The following CSMD1 variants were observed in gnomAD, a reference collection of about 807,000 sequenced individuals.
The protein encoded by CSMD1 is CUB and Sushi multiple domains 1.
In CSMD1, 213 loss-of-function variants were observed where a neutral mutation model predicts 417.5. The observed-to-expected ratio is 0.51, with a 90% confidence interval of 0.46 to 0.57. The LOEUF is 0.57. Ranked by LOEUF, CSMD1 falls within the 20% of genes least tolerant of loss-of-function variation. The pLI is 0.00. For synonymous variants in CSMD1, 2,862 were observed against 1,736.8 expected (o/e 1.65, Z -16.11); for missense variants, 6,923 against 4,529.7 (o/e 1.53, Z -15.17).
intron 2 of CSMD1, among the ~76,000 whole-genome samples, chr8:4,583,326 G>A (rs1447200502): frequency 4.0e-5 from 6 of 151,666 alleles, no homozygotes; most frequent in Admixed American, 2.0e-4. Context: ...ACCTTTATGT[G>A]TCTTCCTCAG....
At chr8:3,467,070 G>A (rs1816828594) in intron 12 of CSMD1, among the ~76,000 whole-genome samples, 1 of 152,130 alleles carries the variant, frequency 6.6e-6, no homozygotes, top group South Asian at 2.1e-4. Context: ...CCATCTCAGG[G>A]TGGCTACTGA....
chr8:4,475,934 G>A (rs955591031), intron 2 of CSMD1, among the ~76,000 whole-genome samples: 4 of 152,030 alleles, frequency 2.6e-5, no homozygotes, highest in Non-Finnish European at 5.9e-5. Context: ...CTTTGTTGGT[G>A]TTATTGCTGT....
At chr8:4,138,002 A>C (rs13267820) in intron 3 of CSMD1, among the ~76,000 whole-genome samples, 40,981 of 142,436 alleles carry the variant, frequency 0.29, 7,362 homozygotes, top group Non-Finnish European at 0.38. Context: ...CTCAGCCTCC[A>C]GAGTAGCTGC....
chr8:3,722,530 G>C (rs1034283684), intron 6 of CSMD1, among the ~76,000 whole-genome samples: 38 of 152,120 alleles, frequency 2.5e-4, no homozygotes, highest in African/African-American at 8.9e-4. Context: ...GTTTTTCTCT[G>C]ATCTATAACC....
At chr8:3,730,172 C>T (rs1035700129) in intron 6 of CSMD1, among the ~76,000 whole-genome samples, 4 of 151,966 alleles carry the variant, frequency 2.6e-5, no homozygotes, top group Admixed American at 6.5e-5. Flanking sequence ...TCCATTCCCC[C>T]AAAATCATGT....
At chr8:4,816,186 T>C (rs1799196961) in intron 1 of CSMD1, among the ~76,000 whole-genome samples, 1 of 142,510 alleles carries the variant, frequency 7.0e-6, no homozygotes, top group Admixed American at 7.0e-5. Flanking sequence ...ATCACACTTG[T>C]TATTTGCTTT....
At chr8:3,880,529 T>A (rs1240479434) in intron 5 of CSMD1, among the ~76,000 whole-genome samples, 1 of 152,216 alleles carries the variant, frequency 6.6e-6, no homozygotes, top group Middle Eastern at 3.2e-3. Context: ...AGCCACGTAG[T>A]TTATTTTACT....
At chr8:3,114,205 C>T (rs1816713661) in intron 42 of CSMD1, among the ~76,000 whole-genome samples, 1 of 152,188 alleles carries the variant, frequency 6.6e-6, no homozygotes, top group African/African-American at 2.4e-5. Context: ...GATTGCACCA[C>T]TGCACTCCAG....
chr8:4,495,840 G>T lies in CSMD1; in HGVS notation c.303-75775C>A, dbSNP rs549835200. Among the ~76,000 whole-genome samples the T allele has an allele frequency of 9.3e-4, 142 of 152,164 alleles. 1 individual carries two copies. The highest frequency in any genetic ancestry group is 3.4e-3 in the Middle Eastern group (1 of 294). On this transcript the variant is annotated intron_variant, in intron 2 of 69. Transcript: ENST00000635120. ...ATAGCCTCTTTATCAACAAATATTAGAATTATTAATGTAAGTGGATTTCAT... is the reference window on the plus strand; with the variant it reads ...ATAGCCTCTTTATCAACAAATATTATAATTATTAATGTAAGTGGATTTCAT...
intron 5 of CSMD1, among the ~76,000 whole-genome samples, chr8:3,822,421 G>A (rs1006745255): frequency 2.0e-5 from 3 of 152,156 alleles, no homozygotes; most frequent in East Asian, 1.9e-4. Context: ...TTTTTAGGTT[G>A]AATATCTAGA....
chr8:4,754,715 G>A (rs1007088453), intron 1 of CSMD1, among the ~76,000 whole-genome samples: 2 of 152,034 alleles, frequency 1.3e-5, no homozygotes, highest in African/African-American at 2.4e-5. Flanking sequence ...CAAGCATGGT[G>A]GTGGGCGCCT....
chr8:4,422,169 G>A (rs942490934), intron 2 of CSMD1, among the ~76,000 whole-genome samples: 3 of 152,094 alleles, frequency 2.0e-5, no homozygotes, highest in Non-Finnish European at 4.4e-5. Flanking sequence ...TGTTCCCACT[G>A]GAGAATTCTA....
At chr8:4,557,620 C>T (rs1585246502) in intron 2 of CSMD1, among the ~76,000 whole-genome samples, 2 of 150,910 alleles carry the variant, frequency 1.3e-5, no homozygotes, top group African/African-American at 4.9e-5. Context: ...GGAAGGGGGA[C>T]AGCAGTATCC....
At chr8:4,543,086 C>A (rs1024879381) in intron 2 of CSMD1, among the ~76,000 whole-genome samples, 1 of 152,074 alleles carries the variant, frequency 6.6e-6, no homozygotes, top group South Asian at 2.1e-4. Flanking sequence ...CATAGTTTTC[C>A]CTATTATCAA....
intron 1 of CSMD1, among the ~76,000 whole-genome samples, chr8:4,863,521 G>C (rs996983026): frequency 6.6e-6 from 1 of 151,900 alleles, no homozygotes; most frequent in Non-Finnish European, 1.5e-5. Flanking sequence ...TAATGAAAAG[G>C]GTAACTCATT....
chr8:3,241,875 C>G (rs1433097142), intron 26 of CSMD1, among the ~76,000 whole-genome samples: 1 of 151,988 alleles, frequency 6.6e-6, no homozygotes, highest in South Asian at 2.1e-4. Flanking sequence ...TAATTAAGTC[C>G]TGTTGTGGGG....
intron 2 of CSMD1, among the ~76,000 whole-genome samples, chr8:4,540,722 T>G (rs143699807): frequency 4.5e-4 from 68 of 152,256 alleles, no homozygotes; most frequent in African/African-American, 1.5e-3. Context: ...GCTTACCAAG[T>G]GTCTAAGCTG....
rs531573727 is a variant in CSMD1, at chr8:3,494,732, G to C, written c.1345-1006C>G. 7.5e-4 allele frequency among the ~76,000 whole-genome samples: 114 copies of C among 152,272 alleles called. 2 individuals are homozygous for C. In the South Asian group the frequency reaches 0.023, roughly 30 times the overall value. ...AGAGATGTAACAAGAGAGACGCAGA[G>C]GGTGTGAGAAAGGAAGGCGGAAGAG... On this transcript the variant is annotated intron_variant, in intron 10 of 69. Coordinates refer to ENST00000635120, the MANE Select transcript of CSMD1 (RefSeq NM_033225.6).
intron 1 of CSMD1, among the ~76,000 whole-genome samples, chr8:4,860,645 C>A (rs564299737): frequency 6.6e-6 from 1 of 152,108 alleles, no homozygotes; most frequent in Non-Finnish European, 1.5e-5. Context: ...TATGGCAATG[C>A]TAATACAGCC....
Sources: allele counts gnomAD v4.1 joint callset (sites outside exome capture counted in the v4.1 genomes callset), GRCh38; gene constraint gnomAD v4.1.1; transcripts MANE v1.5; gene names NCBI Gene and HGNC (gene_info 2026-07-23, HGNC 2026-07-21).